Variants in SCLT1 observed in about 807,000 individuals in gnomAD.
The protein encoded by SCLT1 is sodium channel-associated protein 1.
SCLT1 carries 78 observed loss-of-function variants against 112.8 expected under a neutral mutation model. The observed-to-expected ratio is 0.69, with a 90% CI of 0.58 to 0.83. The LOEUF is 0.83. Ranked by LOEUF, SCLT1 falls within the 40% of genes least tolerant of loss-of-function variation. SCLT1 has a pLI of 0.00. For synonymous variants in SCLT1, 257 were observed against 254.7 expected (o/e 1.01, Z -0.09); for missense variants, 747 against 770.4 (o/e 0.97, Z 0.36).
At chr4:129,089,447 C>T (rs558754662) in intron 1 of SCLT1, among the ~76,000 whole-genome samples, 1 of 152,204 alleles carries the variant, frequency 6.6e-6, no homozygotes, top group Non-Finnish European at 1.5e-5. Context: ...TTGTGGAAGA[C>T]AGTGTGGCGA....
chr4:129,056,286 C>A (rs1749381761), intron 2 of SCLT1, among the ~76,000 whole-genome samples: 1 of 152,142 alleles, frequency 6.6e-6, no homozygotes, highest in South Asian at 2.1e-4. Flanking sequence ...CTGTCCAATC[C>A]CCAGTGAATG....
rs73847333 is a variant in SCLT1, at chr4:128,981,880, T to C, written c.686+10287A>G. Among the ~76,000 whole-genome samples the C allele has an allele frequency of 3.7e-3, 571 of 152,302 alleles. 1 individual carries two copies. Among genetic ancestry groups the C allele is most frequent in the African/African-American group, 0.011 (474 of 41,552 alleles). ...CTGTCAAACTGAATAATTTGGATTA[T>C]ATCCTATAGGCATTTAGTAGCCATT... On this transcript the variant is annotated intron_variant, in intron 9 of 20. Coordinates refer to ENST00000281142, the MANE Select transcript of SCLT1 (RefSeq NM_144643.4).
rs1206543683 is a variant in SCLT1, at chr4:128,915,596, T to C, written c.1829+21059A>G. Among the ~76,000 whole-genome samples, 4 of 152,202 alleles carry C rather than the reference T, an allele frequency of 2.6e-5. No individual in the cohort carries two copies. In the South Asian group the frequency reaches 8.3e-4, roughly 31 times the overall value. On this transcript the variant is annotated intron_variant, in intron 18 of 20. Transcript: ENST00000281142. ...TAAATACTGGGGGCACATTATATCA[T>C]GTTTTAAAAGTTCAAATGCATTTCA...
At chr4:128,878,647 T>C (rs1365006435) in intron 3 of SCLT1, among the ~76,000 whole-genome samples, 1 of 152,226 alleles carries the variant, frequency 6.6e-6, no homozygotes, top group Non-Finnish European at 1.5e-5. Context: ...TTATGCATTA[T>C]ATCACTTTAC....
In SCLT1 at chr4:129,053,097, T is replaced by C. The variant is rs2125714833; in HGVS notation, c.103-9046A>G. On this transcript the variant is annotated intron_variant, in intron 2 of 20. Coordinates refer to ENST00000281142, the MANE Select transcript of SCLT1 (RefSeq NM_144643.4). Reference sequence around the variant, plus strand: ...ATTGCACTGTGTTCTGAGAGACTGTTTGTTATGATTTCCATTCTTTTGAAT... The same window carrying C: ...ATTGCACTGTGTTCTGAGAGACTGTCTGTTATGATTTCCATTCTTTTGAAT... 2.0e-5 allele frequency among the ~76,000 whole-genome samples: 3 copies of C among 152,316 alleles called. No individual in the cohort carries two copies. The South Asian group carries it at 6.2e-4, about 32-fold the overall frequency.
At position 129,074,298 on chromosome 4, in the gene SCLT1, T is replaced by C. The variant is rs533559073; in HGVS notation, c.102+8008A>G. The stretch of plus-strand genomic sequence containing the variant: ...GTTAAGCTGAATTATGTGAAAACAC[T>C]GTTCAAAAACTATTTTCTAATAACA... On this transcript the variant is annotated intron_variant, in intron 2 of 20. Coordinates refer to ENST00000281142, the MANE Select transcript of SCLT1 (RefSeq NM_144643.4). Among the ~76,000 whole-genome samples the C allele has an allele frequency of 2.0e-5, 3 of 152,300 alleles. 1 individual carries two copies. In the South Asian group the frequency reaches 6.2e-4, roughly 32 times the overall value.
chr4:128,946,879 G>C (rs1488064909), intron 15 of SCLT1, among the ~76,000 whole-genome samples: 42 of 152,156 alleles, frequency 2.8e-4, no homozygotes, highest in Middle Eastern at 3.2e-3. Flanking sequence ...CCTAAGCTCA[G>C]CTTTCCATGC....
At chr4:129,091,021 C>T (rs535642680) in intron 1 of SCLT1, among the ~76,000 whole-genome samples, 3 of 152,010 alleles carry the variant, frequency 2.0e-5, no homozygotes, top group East Asian at 1.9e-4. Flanking sequence ...CAAATCCAAA[C>T]GGAACAAAGA....
At chr4:128,974,387 C>T (rs1560914209) in intron 9 of SCLT1, among the ~76,000 whole-genome samples, 1 of 151,626 alleles carries the variant, frequency 6.6e-6, no homozygotes, top group Non-Finnish European at 1.5e-5. Context: ...ACTAGATAGC[C>T]AGGCTAGGCT....
At chr4:128,893,763 A>G (rs1733512192) in intron 18 of SCLT1, among the ~76,000 whole-genome samples, 1 of 152,112 alleles carries the variant, frequency 6.6e-6, no homozygotes, top group Non-Finnish European at 1.5e-5. Context: ...GGATGGTCTC[A>G]ATCTCCTGAC....
At chr4:128,896,156 A>G (rs951757440) in intron 18 of SCLT1, among the ~76,000 whole-genome samples, 2 of 152,232 alleles carry the variant, frequency 1.3e-5, no homozygotes, top group Admixed American at 1.3e-4. Flanking sequence ...TTGCAGACTT[A>G]AATGTCCCTG....
chr4:128,916,369 T>C (rs933327227), intron 18 of SCLT1, among the ~76,000 whole-genome samples: 1 of 152,210 alleles, frequency 6.6e-6, no homozygotes, highest in African/African-American at 2.4e-5. Flanking sequence ...ACCAAATTGA[T>C]TTGTTACTTT....
chr4:128,948,459 T>G, intron 15 of SCLT1, 37 bp downstream of exon 15: 1 of 1,594,520 alleles, frequency 6.3e-7, no homozygotes, highest in Non-Finnish European at 8.5e-7. Flanking sequence ...TATTTGCAGT[T>G]GGGTTTTAGG....
intron 18 of SCLT1, among the ~76,000 whole-genome samples, chr4:128,896,983 A>G (rs1318598750): frequency 2.0e-5 from 3 of 152,192 alleles, no homozygotes; most frequent in Non-Finnish European, 4.4e-5. Flanking sequence ...AAAAAAGAAT[A>G]AAAAGAAACG....
intron 18 of SCLT1, among the ~76,000 whole-genome samples, chr4:128,907,730 C>G (rs976176730): frequency 2.9e-5 from 3 of 103,834 alleles, no homozygotes; most frequent in Non-Finnish European, 5.8e-5. Flanking sequence ...AAATGAATAT[C>G]CTAACCCATA....
At chr4:128,992,049 G>C in intron 9 of SCLT1, 118 bp downstream of exon 9, 1 of 625,340 alleles carries the variant, frequency 1.6e-6, no homozygotes, top group Non-Finnish European at 2.8e-6. Flanking sequence ...AGAAGATATT[G>C]GCAGAAGCTT....
At chr4:128,936,055 G>A (rs1737152134) in intron 18 of SCLT1, among the ~76,000 whole-genome samples, 1 of 151,700 alleles carries the variant, frequency 6.6e-6, no homozygotes, top group Admixed American at 6.6e-5. Context: ...TTTTATACTT[G>A]GACTATCATA....
intron 18 of SCLT1, among the ~76,000 whole-genome samples, chr4:128,922,471 T>TA (rs1032776376): frequency 6.6e-6 from 1 of 151,914 alleles, no homozygotes; most frequent in African/African-American, 2.4e-5. Context: ...AAAGCAGCCA[T>TA]AAAAAAGAAT....
intron 9 of SCLT1, among the ~76,000 whole-genome samples, chr4:128,982,137 G>A (rs1173367083): frequency 6.6e-6 from 1 of 152,138 alleles, no homozygotes; most frequent in Non-Finnish European, 1.5e-5. Context: ...TCACAAATAT[G>A]GAGAAAAGAT....
Sources: gnomAD v4.1 joint callset for allele counts (sites outside exome capture counted in the v4.1 genomes callset) on GRCh38, gnomAD v4.1.1 for gene constraint, MANE v1.5 for transcripts, NCBI Gene and HGNC (gene_info 2026-07-23, HGNC 2026-07-21) for gene names.